CHD9: variants seen among roughly 807,000 people sequenced by gnomAD.
The protein encoded by CHD9 is ATP-dependent chromatin remodeler CHD9.
In CHD9, 77 loss-of-function variants were observed where a neutral mutation model predicts 316.1. The observed-to-expected ratio is 0.24, with a 90% CI of 0.20 to 0.29. The LOEUF (loss-of-function observed/expected upper bound fraction) is 0.29, where lower values mean the gene tolerates loss of function less well. Among genes scored for constraint, CHD9 ranks in the 10% least tolerant of loss-of-function variants. CHD9 has a pLI of 1.00. For missense variants in CHD9, 2,763 were observed against 3,438.1 expected, an observed-to-expected ratio of 0.80 and a Z score of 4.91; for synonymous variants, 1,129 against 1,158.3, an observed-to-expected ratio of 0.97 and a Z score of 0.51.
intron 15 of CHD9, among the ~76,000 whole-genome samples, chr16:53,246,200 A>C (rs1343929387): frequency 6.6e-6 from 1 of 152,144 alleles, no homozygotes; most frequent in African/African-American, 2.4e-5. Flanking sequence ...TTAGTGTTTC[A>C]ATTCTTGTGC....
rs765920269 is a variant in CHD9 at position 53,238,457 on chromosome 16, A to G, written c.2748A>G (p.Pro916=). The G allele has an allele frequency of 1.2e-5, 19 of 1,613,332 alleles. No individual in the cohort carries two copies. The South Asian group carries it at 2.1e-4, about 18-fold the overall frequency. ...GAGGACCTTTCCTGATTATTGCTCC[A>G]CTTTCTACTATTGCAAACTGGGAGA... ...GIRGPFLIIA[P]LSTIANWERE... The change falls in exon 12 of 39, where the codon CCA becomes CCG. Residue 916 remains proline, a synonymous_variant. Coordinates refer to ENST00000447540, the MANE Select transcript of CHD9 (RefSeq NM_001308319.2).
At chr16:53,167,956 C>T (rs937299033) in intron 2 of CHD9, among the ~76,000 whole-genome samples, 1 of 151,952 alleles carries the variant, frequency 6.6e-6, no homozygotes, top group Non-Finnish European at 1.5e-5. Flanking sequence ...CCCCTAATTA[C>T]ATTAAGTGAA....
intron 24 of CHD9, among the ~76,000 whole-genome samples, chr16:53,280,752 A>C (rs953920036): frequency 6.6e-6 from 1 of 152,110 alleles, no homozygotes; most frequent in Non-Finnish European, 1.5e-5. Context: ...AGACAACAAC[A>C]AAAAAGATTG....
chr16:53,099,624 GCAAC>G (rs1290797717), intron 1 of CHD9, among the ~76,000 whole-genome samples: 2 of 152,120 alleles, frequency 1.3e-5, no homozygotes, highest in Non-Finnish European at 2.9e-5. Context: ...CCAGACAGAG[GCAAC>G]CTGACCTCTT....
intron 1 of CHD9, among the ~76,000 whole-genome samples, chr16:53,066,293 G>A (rs547290580): frequency 6.6e-4 from 101 of 152,178 alleles, no homozygotes; most frequent in Admixed American, 9.2e-4. Context: ...AAAGCAGCAA[G>A]TCAGCAGAGG....
intron 1 of CHD9, among the ~76,000 whole-genome samples, chr16:53,093,388 C>A (rs59171343): frequency 6.6e-6 from 1 of 152,306 alleles, no homozygotes; most frequent in South Asian, 2.1e-4. Context: ...AAGCACTATG[C>A]GTGGCACATA....
At chr16:53,060,362 C>T (rs1486579515) in intron 1 of CHD9, among the ~76,000 whole-genome samples, 2 of 151,954 alleles carry the variant, frequency 1.3e-5, no homozygotes, top group Non-Finnish European at 1.5e-5. Flanking sequence ...GCCTGTAGCC[C>T]CAGCACTTTG....
intron 1 of CHD9, among the ~76,000 whole-genome samples, chr16:53,137,816 A>G (rs1597110627): frequency 1.3e-5 from 2 of 152,346 alleles, no homozygotes; most frequent in East Asian, 3.9e-4. Context: ...ATGGCAAGAC[A>G]CACAGTGTCT....
chr16:53,300,984 A>C (rs2055343312), intron 30 of CHD9, among the ~76,000 whole-genome samples: 1 of 152,208 alleles, frequency 6.6e-6, no homozygotes, highest in South Asian at 2.1e-4. Context: ...GAGGCACGAG[A>C]ATCACTTGAG....
chr16:53,137,199 CT>C (rs766729717), intron 1 of CHD9, among the ~76,000 whole-genome samples: 1 of 152,116 alleles, frequency 6.6e-6, no homozygotes, highest in Non-Finnish European at 1.5e-5. Flanking sequence ...GTCTCGATCT[CT>C]TGACCTCCTG....
At position 53,156,896 on chromosome 16, in the gene CHD9, A is replaced by G. The variant is rs1224399950; in HGVS notation, c.807A>G (p.Gln269=). Residue 269 remains glutamine (Q), a synonymous_variant, in exon 2 of 39, where the codon CAA becomes CAG. Transcript: ENST00000447540. ...MTSCSVSNSQ[Q]FSSHYSFSSN... ...CTTGTTCTGTCAGTAATTCACAGCA[A>G]TTTTCTTCACATTATTCCTTTTCCA... 3.7e-6 allele frequency: 6 copies of G among 1,613,676 alleles called. No individual in the cohort carries two copies. In the South Asian group the frequency reaches 5.5e-5, roughly 15 times the overall value.
At chr16:53,227,003 C>T (rs2047714255) in intron 5 of CHD9, 1 of 196,208 alleles carries the variant, frequency 5.1e-6, no homozygotes, top group African/African-American at 2.4e-5. Flanking sequence ...TTTTTTAAGT[C>T]CCCCTTATAT....
At chr16:53,189,745 C>G (rs1232362252) in intron 2 of CHD9, among the ~76,000 whole-genome samples, 4 of 151,924 alleles carry the variant, frequency 2.6e-5, no homozygotes, top group Non-Finnish European at 5.9e-5. Context: ...ATTTTTATAG[C>G]CTTTTATCAG....
chr16:53,129,806 C>T (rs925585476), intron 1 of CHD9, among the ~76,000 whole-genome samples: 1 of 152,184 alleles, frequency 6.6e-6, no homozygotes, highest in African/African-American at 2.4e-5. Flanking sequence ...AGAAAGCCAG[C>T]TAAGGACCTG....
intron 7 of CHD9, among the ~76,000 whole-genome samples, chr16:53,227,856 C>A (rs1018937975): frequency 1.3e-5 from 2 of 151,906 alleles, no homozygotes; most frequent in African/African-American, 4.8e-5. Flanking sequence ...GAGGCCAAGG[C>A]GGTCATATCA....
At chr16:53,088,219 T>C (rs917328407) in intron 1 of CHD9, among the ~76,000 whole-genome samples, 3 of 151,702 alleles carry the variant, frequency 2.0e-5, no homozygotes, top group African/African-American at 4.8e-5. Context: ...TTGACCCTGA[T>C]TGGGTCCCAT....
chr16:53,148,393 A>T (rs889819301), intron 1 of CHD9, among the ~76,000 whole-genome samples: 1 of 152,068 alleles, frequency 6.6e-6, no homozygotes, highest in Non-Finnish European at 1.5e-5. Context: ...AGGCACACGT[A>T]CCCGTCTGGC....
At position 53,267,407 on chromosome 16, in the gene CHD9, C is replaced by G. The variant is rs763591577; in HGVS notation, c.4434C>G (p.Pro1478=). 1.2e-6 allele frequency: 2 copies of G among 1,612,974 alleles called. No individual in the cohort carries two copies. The highest frequency in any genetic ancestry group is 1.7e-6 in the Non-Finnish European group (2 of 1,179,306). Residue 1478 remains proline (P), a synonymous_variant, in exon 21 of 39, where the codon CCC becomes CCG. Transcript: ENST00000447540. ...CTGAAAGTGAAGGAGATGAAAAGCC[C>G]AAACTCCGGAGACCCTGTGACCGTT... ...SEAESEGDEK[P]KLRRPCDRSN...
rs776871535 is a variant in CHD9, at chr16:53,307,854, C to G, written c.6954C>G (p.Pro2318=). The part of the protein sequence containing the change: ...TEYSDPSVPT[P]PGAGVKEEHD... ...ACAGCGATCCCAGTGTACCCACTCC[C>G]CCAGGTGCCGGTGTTAAAGAAGAAC... The change falls in exon 33 of 39, where the codon CCC becomes CCG. Residue 2318 remains proline (P), a synonymous_variant. Transcript: ENST00000447540. The G allele has an allele frequency of 6.2e-7, 1 of 1,613,812 alleles. No individual in the cohort carries two copies. The highest frequency in any genetic ancestry group is 1.1e-5 in the South Asian group (1 of 91,004).
Sources: gnomAD v4.1 joint callset for allele counts (sites outside exome capture counted in the v4.1 genomes callset) on GRCh38, gnomAD v4.1.1 for gene constraint, MANE v1.5 for transcripts, NCBI Gene and HGNC (gene_info 2026-07-23, HGNC 2026-07-21) for gene names.